Variants in KCNK2 observed in about 807,000 individuals in gnomAD.
KCNK2 encodes the protein potassium two pore domain channel subfamily K member 2.
KCNK2 carries 21 observed loss-of-function variants against 40.5 expected under a neutral mutation model. The observed-to-expected ratio is 0.52, with a 90% CI of 0.37 to 0.75. KCNK2 has a LOEUF of 0.75. Ranked by LOEUF, KCNK2 falls within the 30% of genes least tolerant of loss-of-function variation. KCNK2 has a pLI of 0.00. For missense variants in KCNK2, 399 were observed against 531.6 expected, an observed-to-expected ratio of 0.75 and a Z score of 2.45; for synonymous variants, 191 against 202.2, an observed-to-expected ratio of 0.94 and a Z score of 0.47.
intron 1 of KCNK2, among the ~76,000 whole-genome samples, chr1:215,067,244 T>C (rs1269795465): frequency 6.6e-6 from 1 of 152,190 alleles, no homozygotes; most frequent in Non-Finnish European, 1.5e-5. Flanking sequence ...ATAATTCATG[T>C]ATCAAAATAT....
intron 3 of KCNK2, among the ~76,000 whole-genome samples, chr1:215,149,318 T>G (rs1348220457): frequency 6.6e-6 from 1 of 152,092 alleles, no homozygotes; most frequent in Non-Finnish European, 1.5e-5. Context: ...TTTATGTTAT[T>G]TAAACATAAT....
chr1:215,176,182 C>T (rs576543827), intron 5 of KCNK2, among the ~76,000 whole-genome samples: 2 of 152,110 alleles, frequency 1.3e-5, no homozygotes, highest in South Asian at 2.1e-4. Flanking sequence ...TTAAAAATAG[C>T]CTTTCTGACT....
chr1:215,068,267 G>A (rs1273990230), intron 1 of KCNK2, among the ~76,000 whole-genome samples: 1 of 151,876 alleles, frequency 6.6e-6, no homozygotes, highest in Non-Finnish European at 1.5e-5. Context: ...GAATTTTTGG[G>A]GCCACTGTCA....
chr1:215,043,220 G>A (rs1467129748), intron 1 of KCNK2, among the ~76,000 whole-genome samples: 1 of 152,184 alleles, frequency 6.6e-6, no homozygotes, highest in Non-Finnish European at 1.5e-5. Flanking sequence ...AAATATAGCT[G>A]CTGTGAAAAA....
At chr1:215,161,145 C>A (rs1449237926) in intron 3 of KCNK2, among the ~76,000 whole-genome samples, 3 of 152,142 alleles carry the variant, frequency 2.0e-5, no homozygotes, top group African/African-American at 7.2e-5. Flanking sequence ...TTGCATTGGT[C>A]AGTCAGCCTA....
chr1:215,068,689 A>T (rs1323149834), intron 1 of KCNK2, among the ~76,000 whole-genome samples: 1 of 151,874 alleles, frequency 6.6e-6, no homozygotes, highest in Non-Finnish European at 1.5e-5. Context: ...CTTAATTAAG[A>T]TGAGCATAAT....
intron 3 of KCNK2, among the ~76,000 whole-genome samples, chr1:215,164,592 T>C (rs1271985335): frequency 1.3e-5 from 2 of 152,184 alleles, no homozygotes; most frequent in East Asian, 3.9e-4. Flanking sequence ...TTTAGCCGTG[T>C]CCCAGAGATT....
In KCNK2 at chr1:215,083,309, T is replaced by C. The variant is rs1410083095; in HGVS notation, c.-77T>C. ...GCGCAGCCCGTCTCTGAATAAGAAG[T>C]GAGTACAATGGCGTGTTTGTAAAAA... is the stretch of plus-strand genomic sequence containing the variant. On this transcript the variant is annotated 5_prime_UTR_variant, in exon 1 of 7. Coordinates refer to ENST00000444842, the MANE Select transcript of KCNK2 (RefSeq NM_001017425.3). 4 of 1,607,110 alleles carry C rather than the reference T, an allele frequency of 2.5e-6. No individual in the cohort carries two copies. The African/African-American group carries it at 4.0e-5, about 16-fold the overall frequency.
chr1:215,234,210 T>C (rs532462119), intron 6 of KCNK2, among the ~76,000 whole-genome samples: 123 of 152,308 alleles, frequency 8.1e-4, no homozygotes, highest in African/African-American at 2.9e-3. Context: ...TTGCATTCCC[T>C]GAAAGCAGAA....
chr1:215,134,669 G>A (rs918194665), intron 3 of KCNK2, among the ~76,000 whole-genome samples: 4 of 151,822 alleles, frequency 2.6e-5, no homozygotes, highest in African/African-American at 9.7e-5. Flanking sequence ...TTTTTTTTCT[G>A]GTGACCAGCC....
At chr1:215,108,190 G>A (rs78924235) in intron 2 of KCNK2, among the ~76,000 whole-genome samples, 2,292 of 152,226 alleles carry the variant, frequency 0.015, 24 homozygotes, top group Non-Finnish European at 0.025. Flanking sequence ...CCTGGTGGCC[G>A]CTCACCTCCT....
chr1:215,101,810 T>G (rs1660231874), intron 2 of KCNK2, among the ~76,000 whole-genome samples: 1 of 151,910 alleles, frequency 6.6e-6, no homozygotes, highest in Admixed American at 6.6e-5. Context: ...CAAGTGTTTG[T>G]GATGATGCTG....
Position 215,225,751 on chromosome 1 carries a change from T to C in KCNK2, c.964-9077T>C, listed in dbSNP as rs1184561564. Among the ~76,000 whole-genome samples the C allele has an allele frequency of 3.3e-5, 5 of 152,194 alleles. No individual in the cohort carries two copies. The East Asian group carries it at 9.6e-4, about 29-fold the overall frequency. On this transcript the variant is annotated intron_variant, in intron 6 of 6. Coordinates refer to ENST00000444842, the MANE Select transcript of KCNK2 (RefSeq NM_001017425.3). Reference sequence around the variant, plus strand: ...TCTCTGTCATTAACTTACCATCTAGTTGGGAAGACTAAACTTATTTTATTA... The same window carrying C: ...TCTCTGTCATTAACTTACCATCTAGCTGGGAAGACTAAACTTATTTTATTA...
At chr1:215,207,775 T>TA (rs1263094659) in intron 6 of KCNK2, among the ~76,000 whole-genome samples, 19 of 152,286 alleles carry the variant, frequency 1.2e-4, no homozygotes, top group African/African-American at 4.6e-4. Context: ...GAAAAAAAGT[T>TA]AAACACTGAT....
intron 3 of KCNK2, among the ~76,000 whole-genome samples, chr1:215,127,960 C>T (rs1661504418): frequency 6.6e-6 from 1 of 152,154 alleles, no homozygotes; most frequent in Non-Finnish European, 1.5e-5. Context: ...CACTATCACT[C>T]TGTTGCTGTA....
At chr1:215,152,207 C>T (rs1287074986) in intron 3 of KCNK2, among the ~76,000 whole-genome samples, 1 of 80,336 alleles carries the variant, frequency 1.2e-5, no homozygotes, top group Non-Finnish European at 3.7e-5. Context: ...ATACTGAGAG[C>T]CGTGTGGCCT....
At chr1:215,145,517 TA>T (rs1662376074) in intron 3 of KCNK2, among the ~76,000 whole-genome samples, 1 of 152,210 alleles carries the variant, frequency 6.6e-6, no homozygotes, top group African/African-American at 2.4e-5. Flanking sequence ...CTTGGCACTT[TA>T]GATTACTTAT....
chr1:215,044,393 G>A (rs1657671060), intron 1 of KCNK2, among the ~76,000 whole-genome samples: 1 of 152,080 alleles, frequency 6.6e-6, no homozygotes, highest in African/African-American at 2.4e-5. Context: ...ACCTAGTAAT[G>A]TCTCAATACT....
chr1:215,052,066 T>C (rs1299296223), intron 1 of KCNK2, among the ~76,000 whole-genome samples: 1 of 152,180 alleles, frequency 6.6e-6, no homozygotes, highest in Non-Finnish European at 1.5e-5. Context: ...CAGTGAATAA[T>C]ATGGATATGA....
Sources: gnomAD v4.1 joint callset for allele counts (sites outside exome capture counted in the v4.1 genomes callset) on GRCh38, gnomAD v4.1.1 for gene constraint, MANE v1.5 for transcripts, NCBI Gene and HGNC (gene_info 2026-07-23, HGNC 2026-07-21) for gene names.